The following CDC73 variants were observed in gnomAD, a reference collection of about 807,000 sequenced individuals.
The protein encoded by CDC73 is parafibromin.
In CDC73, 21 loss-of-function variants were observed where a neutral mutation model predicts 83.7. That is an observed-to-expected ratio of 0.25 (90% confidence interval 0.18 to 0.36). The LOEUF (loss-of-function observed/expected upper bound fraction) is 0.36, where lower values mean the gene tolerates loss of function less well. CDC73 is among the 10% of genes least tolerant of loss of function. The probability of loss-of-function intolerance (pLI) is 1.00; values close to 1 mark genes in which losing one functional copy is unlikely to be tolerated. For synonymous variants in CDC73, 224 were observed against 212.9 expected (o/e 1.05, Z -0.45); for missense variants, 342 against 653.3 (o/e 0.52, Z 5.19).
chr1:193,183,684 C>T (rs1198062792), intron 10 of CDC73, among the ~76,000 whole-genome samples: 2 of 151,512 alleles, frequency 1.3e-5, no homozygotes, highest in Non-Finnish European at 3.0e-5. Flanking sequence ...CTCTCCGCTC[C>T]ACTTCATAAG....
rs553644947 is a variant in CDC73, at chr1:193,186,080, C to A, written c.973-17715C>A. On this transcript the variant is annotated intron_variant, in intron 10 of 16. Coordinates refer to ENST00000367435, the MANE Select transcript of CDC73 (RefSeq NM_024529.5). ...GCCCACTGAAAATACTTTTGGCACG[C>A]CATCACTTCAGCAAAAAAGATGCTA... 2.6e-5 allele frequency: 4 copies of A among 152,924 alleles called. No individual in the cohort carries two copies. The East Asian group carries it at 7.7e-4, about 30-fold the overall frequency. The allele number at this position is 152,924 out of a possible 1,614,324, so 9.5% of individuals were successfully genotyped here. A position where few individuals can be genotyped will look rare whatever the true frequency, so the allele number is the denominator to read the frequency against.
At chr1:193,132,904 T>G (rs1348491494) in intron 3 of CDC73, among the ~76,000 whole-genome samples, 1 of 147,868 alleles carries the variant, frequency 6.8e-6, no homozygotes, top group African/African-American at 2.5e-5. Flanking sequence ...GATTTTTTTT[T>G]TTTTTTTTTT....
rs369626917 is a variant in CDC73 at position 193,233,549 on chromosome 1, A to G, written c.1316+395A>G. On this transcript the variant is annotated intron_variant, in intron 14 of 16. Transcript: ENST00000367435. ...ATTCCTCAATAACTTTATATTTTGG[A>G]TAAGTAAACTTGATTTTACTTATAA... is the stretch of plus-strand genomic sequence containing the variant. Among the ~76,000 whole-genome samples the G allele has an allele frequency of 2.0e-5, 3 of 152,198 alleles. No individual in the cohort carries two copies. In the East Asian group the frequency reaches 5.8e-4, roughly 29 times the overall value.
intron 9 of CDC73, among the ~76,000 whole-genome samples, chr1:193,151,827 G>C (rs1378075158): frequency 6.6e-6 from 1 of 152,142 alleles, no homozygotes; most frequent in African/African-American, 2.4e-5. Context: ...GGGAGGCTGA[G>C]GTGGGAGGAT....
At chr1:193,180,841 T>G in intron 10 of CDC73, 1 of 1,614,040 alleles carries the variant, frequency 6.2e-7, no homozygotes. Flanking sequence ...ATGTGGACAG[T>G]ATGTTGCAAC....
chr1:193,166,249 C>G (rs999832532), intron 10 of CDC73, among the ~76,000 whole-genome samples: 1 of 151,966 alleles, frequency 6.6e-6, no homozygotes, highest in Non-Finnish European at 1.5e-5. Flanking sequence ...CTCATTGCAG[C>G]CTTTATTTCC....
rs1456808213 is a variant in CDC73 at position 193,132,634 on chromosome 1, A to AGCAAATTTGATTCTTTTTTTTTTTTTTT, written c.307+2407_307+2408insTTTTTTTTTTTTGCAAATTTGATTCTTT. ...AGCCATTTTTTTTTTTTTTAATCAA[A>AGCAAATTTGATTCTTTTTTTTTTTTTTT]GCAAATTTGATTCTTTGGAGCAGTG... On this transcript the variant is annotated intron_variant, in intron 3 of 16. Coordinates refer to ENST00000367435, the MANE Select transcript of CDC73 (RefSeq NM_024529.5). 9.1e-4 allele frequency among the ~76,000 whole-genome samples: 138 copies of AGCAAATTTGATTCTTTTTTTTTTTTTTT among 151,606 alleles called. No individual in the cohort carries two copies. The Middle Eastern group carries it at 0.01, about 11-fold the overall frequency.
chr1:193,235,119 A>G (rs1270063742), intron 14 of CDC73, among the ~76,000 whole-genome samples: 2 of 152,124 alleles, frequency 1.3e-5, no homozygotes, highest in African/African-American at 4.8e-5. Flanking sequence ...AGACCCTTTC[A>G]CAGAGTTGCA....
chr1:193,130,906 C>T (rs529200070), intron 3 of CDC73, among the ~76,000 whole-genome samples: 2 of 152,144 alleles, frequency 1.3e-5, no homozygotes, highest in Non-Finnish European at 2.9e-5. Context: ...TCTTTCTACT[C>T]GTTGTTCACC....
intron 1 of CDC73, among the ~76,000 whole-genome samples, chr1:193,123,908 G>T (rs996999521): frequency 2.6e-5 from 4 of 152,196 alleles, no homozygotes; most frequent in South Asian, 2.1e-4. Flanking sequence ...TTAGGAGAAG[G>T]TTCCATAGAA....
intron 9 of CDC73, among the ~76,000 whole-genome samples, chr1:193,151,545 G>A (rs969476104): frequency 2.0e-5 from 3 of 152,318 alleles, no homozygotes; most frequent in African/African-American, 7.2e-5. Flanking sequence ...CTTGCAATGT[G>A]TTAAAATATT....
chr1:193,133,302 C>T (rs186124469), intron 3 of CDC73, among the ~76,000 whole-genome samples: 6 of 152,144 alleles, frequency 3.9e-5, no homozygotes, highest in African/African-American at 1.2e-4. Context: ...ATATTAAGAC[C>T]GTATTCTTAG....
chr1:193,241,050 T>G (rs1489403785), intron 15 of CDC73, among the ~76,000 whole-genome samples: 1 of 152,190 alleles, frequency 6.6e-6, no homozygotes, highest in African/African-American at 2.4e-5. Flanking sequence ...ATTATTCTGT[T>G]TTTCTTTTTT....
intron 1 of CDC73, 116 bp downstream of exon 1, chr1:193,122,447 C>G: frequency 1.5e-6 from 2 of 1,357,186 alleles, no homozygotes; most frequent in Non-Finnish European, 2.1e-6. Context: ...AACGGGTGTT[C>G]GGGGAAAAGA....
At chr1:193,169,429 C>T (rs1676484876) in intron 10 of CDC73, among the ~76,000 whole-genome samples, 1 of 152,138 alleles carries the variant, frequency 6.6e-6, no homozygotes, top group African/African-American at 2.4e-5. Flanking sequence ...CCTATGATCC[C>T]AGCTGCTAAA....
intron 10 of CDC73, among the ~76,000 whole-genome samples, chr1:193,158,506 A>AT (rs1676247314): frequency 6.6e-6 from 1 of 151,882 alleles, no homozygotes; most frequent in Admixed American, 6.6e-5. Flanking sequence ...TAAAAATAAA[A>AT]AAAAAAATTA....
At chr1:193,207,120 A>G (rs1343394561) in intron 11 of CDC73, among the ~76,000 whole-genome samples, 1 of 152,198 alleles carries the variant, frequency 6.6e-6, no homozygotes, top group African/African-American at 2.4e-5. Context: ...CAGGGGTAAC[A>G]TCACATATTG....
chr1:193,210,902 A>G (rs1488622536), intron 11 of CDC73, among the ~76,000 whole-genome samples: 2 of 152,202 alleles, frequency 1.3e-5, no homozygotes, highest in Non-Finnish European at 2.9e-5. Context: ...AAATAAAAGG[A>G]ATCTTTTAGC....
rs147896276 is a variant in CDC73 at position 193,133,332 on chromosome 1, A to G, written c.308-2059A>G. On this transcript the variant is annotated intron_variant, in intron 3 of 16. Coordinates refer to ENST00000367435, the MANE Select transcript of CDC73 (RefSeq NM_024529.5). ...TCTTAGGAAGACATAATAGCTAAAG[A>G]TGTTGGTTCTTAATTTATACATTTA... 3.6e-4 allele frequency among the ~76,000 whole-genome samples: 55 copies of G among 152,316 alleles called. 1 individual carries two copies. The highest frequency in any genetic ancestry group is 1.3e-3 in the African/African-American group (54 of 41,570).
Sources: allele counts gnomAD v4.1 joint callset (sites outside exome capture counted in the v4.1 genomes callset), GRCh38; gene constraint gnomAD v4.1.1; transcripts MANE v1.5; gene names NCBI Gene and HGNC (gene_info 2026-07-23, HGNC 2026-07-21).